KATNIP: variants seen among roughly 807,000 people sequenced by gnomAD.
KATNIP encodes katanin-interacting protein.
KATNIP carries 126 observed loss-of-function variants against 174.0 expected under a neutral mutation model. The ratio of observed to expected loss-of-function variants is 0.72; its 90% CI spans 0.63 to 0.84. The LOEUF (loss-of-function observed/expected upper bound fraction) is 0.84. KATNIP is among the 40% of genes least tolerant of loss of function. The probability of loss-of-function intolerance (pLI) is 0.00; values close to 1 mark genes in which losing one functional copy is unlikely to be tolerated. For missense variants in KATNIP, 1,958 were observed against 2,109.7 expected (o/e 0.93, Z 1.41); for synonymous variants, 810 against 835.7 (o/e 0.97, Z 0.53).
chr16:27,699,589 A>T lies in KATNIP; in HGVS notation c.1169A>T (p.Glu390Val). 6.2e-7 allele frequency: 1 copy of T among 1,614,192 alleles called. No homozygotes were observed. The highest frequency in any genetic ancestry group is 8.5e-7 in the Non-Finnish European group (1 of 1,180,032). ...ACCAGTCTGCTGGAGGAGAAGGAAG[A>T]GACCCTTGAGGTCAGTGCTAGGCAG... ...PWTSLLEEKEETLELLPITTA... is the reference protein window; with the variant it reads ...PWTSLLEEKEVTLELLPITTA... Residue 390 changes from glutamate to valine, a missense_variant, in exon 10 of 28, where the codon GAG (glutamate) becomes GTG (valine). Glu to Val is a moderately radical substitution (Grantham distance 121). Transcript: ENST00000261588.
At chr16:27,580,799 C>T (rs951297021) in intron 2 of KATNIP, among the ~76,000 whole-genome samples, 1 of 151,558 alleles carries the variant, frequency 6.6e-6, no homozygotes, top group South Asian at 2.1e-4. Flanking sequence ...CCTAGTACTC[C>T]ATTGTGAATT....
chr16:27,617,495 G>C (rs541109440), intron 2 of KATNIP, among the ~76,000 whole-genome samples: 147 of 152,308 alleles, frequency 9.7e-4, no homozygotes, highest in African/African-American at 3.3e-3. Flanking sequence ...GCAAGGCCAA[G>C]GTCATGTGAA....
intron 6 of KATNIP, among the ~76,000 whole-genome samples, chr16:27,656,788 G>A (rs1213470291): frequency 7.5e-6 from 1 of 133,810 alleles, no homozygotes; most frequent in Non-Finnish European, 1.6e-5. Flanking sequence ...GGGGACTGTG[G>A]TGGGGAGGGG....
chr16:27,693,877 A>T (rs956173974), intron 8 of KATNIP, among the ~76,000 whole-genome samples: 1 of 152,130 alleles, frequency 6.6e-6, no homozygotes, highest in Admixed American at 6.5e-5. Flanking sequence ...AATTCAGGGG[A>T]TTTCACATAT....
chr16:27,587,047 G>C (rs2090930902), intron 2 of KATNIP, among the ~76,000 whole-genome samples: 1 of 151,960 alleles, frequency 6.6e-6, no homozygotes, highest in African/African-American at 2.4e-5. Context: ...AGGCAAGGCA[G>C]GAGGCTGGGG....
intron 10 of KATNIP, 66 bp downstream of exon 10, chr16:27,699,665 C>G: frequency 6.2e-7 from 1 of 1,606,482 alleles, no homozygotes; most frequent in Non-Finnish European, 8.5e-7. Context: ...TGGTGCCAGG[C>G]AGAGATGAAT....
At chr16:27,565,391 C>T (rs1480320430) in intron 1 of KATNIP, among the ~76,000 whole-genome samples, 2 of 147,896 alleles carry the variant, frequency 1.4e-5, no homozygotes, top group East Asian at 2.0e-4. Flanking sequence ...ACTTGAACCT[C>T]GGAGGCAGAG....
intron 14 of KATNIP, among the ~76,000 whole-genome samples, chr16:27,726,932 G>C (rs1263836930): frequency 6.6e-6 from 1 of 152,244 alleles, no homozygotes; most frequent in African/African-American, 2.4e-5. Flanking sequence ...TGGGCCAGCA[G>C]GTTTGGATCT....
At chr16:27,706,160 C>T (rs929346106) in intron 12 of KATNIP, among the ~76,000 whole-genome samples, 1 of 152,142 alleles carries the variant, frequency 6.6e-6, no homozygotes, top group African/African-American at 2.4e-5. Context: ...AGTCCCACCC[C>T]CTGGAGCTCA....
rs1314868151 is a variant in KATNIP, at chr16:27,766,451, T to G, written c.3952T>G (p.Ser1318Ala). 17 of 1,613,234 alleles carry G rather than the reference T, an allele frequency of 1.1e-5. No homozygotes were observed. The highest frequency in any genetic ancestry group is 1.4e-5 in the Non-Finnish European group (17 of 1,179,958). The change falls in exon 20 of 28, where the codon TCT becomes GCT. Residue 1318 changes from serine (S) to alanine (A), a missense_variant. This residue lies in a region of KATNIP where 383 missense variants were observed against 456.0 expected (regional missense o/e 0.84). Transcript: ENST00000261588. ...AGLRFWNYNK[S>A]PEDTYRGAKI... ...CCTGCGCTTCTGGAACTACAATAAATCTCCCGAGGACACCTATCGCGGGGT... is the reference window on the plus strand; with the variant it reads ...CCTGCGCTTCTGGAACTACAATAAAGCTCCCGAGGACACCTATCGCGGGGT...
chr16:27,637,481 T>G lies in KATNIP; in HGVS notation c.408+6319T>G, dbSNP rs965708637. On this transcript the variant is annotated intron_variant, in intron 5 of 27. Transcript: ENST00000261588. This position sits in a 1 kb window ranked among gnomAD's most constrained non-coding sequence, Gnocchi z 4.7. ...GAAGGAAGGACAGAGGACAGCAGCC[T>G]GAAAGAGAAGCTGTCGGGGGAGCGC... Among the ~76,000 whole-genome samples, 2 of 152,064 alleles carry G rather than the reference T, an allele frequency of 1.3e-5. No homozygotes were observed. Among genetic ancestry groups the G allele is most frequent in the Non-Finnish European group, 2.9e-5 (2 of 68,014 alleles).
intron 14 of KATNIP, among the ~76,000 whole-genome samples, chr16:27,733,320 A>T (rs865844195): frequency 6.6e-6 from 1 of 152,102 alleles, no homozygotes; most frequent in Admixed American, 6.6e-5. Flanking sequence ...AATAATATTA[A>T]TATTGTATTA....
At chr16:27,741,997 A>C (rs2143593037) in intron 15 of KATNIP, among the ~76,000 whole-genome samples, 1 of 152,046 alleles carries the variant, frequency 6.6e-6, no homozygotes, top group East Asian at 1.9e-4. Flanking sequence ...GACTTTGGCA[A>C]CTGATTGAGA....
At chr16:27,725,739 T>C (rs2080423791) in intron 14 of KATNIP, among the ~76,000 whole-genome samples, 1 of 152,132 alleles carries the variant, frequency 6.6e-6, no homozygotes, top group Non-Finnish European at 1.5e-5. Context: ...ATAATAGTCA[T>C]GTTAGTTATG....
At chr16:27,614,574 A>G (rs1160235968) in intron 2 of KATNIP, among the ~76,000 whole-genome samples, 1 of 152,132 alleles carries the variant, frequency 6.6e-6, no homozygotes, top group Non-Finnish European at 1.5e-5. Context: ...CACCCAGAGC[A>G]CTGAGATTAC....
chr16:27,652,735 C>T (rs2077156556), intron 6 of KATNIP, among the ~76,000 whole-genome samples: 1 of 150,812 alleles, frequency 6.6e-6, no homozygotes, highest in Admixed American at 6.6e-5. Flanking sequence ...ATCACTTGAA[C>T]CTAGGAGGCA....
At position 27,740,771 on chromosome 16, in the gene KATNIP, G is replaced by A; in HGVS notation, c.2474G>A (p.Arg825Lys). Reference protein sequence around the residue: ...GTSRSVNTKERPQRATTKVHS... With the variant: ...GTSRSVNTKEKPQRATTKVHS... ...AGCCGGAGTGTCAACACCAAGGAGA[G>A]ACCCCAGAGGGCAACCACCAAAGTC... Residue 825 changes from arginine (R) to lysine (K), a missense_variant, in exon 15 of 28, where the codon AGA (arginine) becomes AAA (lysine). Transcript: ENST00000261588. 1 of 1,614,210 alleles carries A rather than the reference G, an allele frequency of 6.2e-7. No individual in the cohort carries two copies. Among genetic ancestry groups the A allele is most frequent in the Non-Finnish European group, 8.5e-7 (1 of 1,180,036 alleles).
intron 7 of KATNIP, among the ~76,000 whole-genome samples, chr16:27,680,147 C>T (rs985388086): frequency 6.6e-6 from 1 of 152,180 alleles, no homozygotes; most frequent in Non-Finnish European, 1.5e-5. Flanking sequence ...CCTGTGGGCA[C>T]AGGCTGGCTC....
intron 14 of KATNIP, among the ~76,000 whole-genome samples, 159 bp from the exon 15 acceptor site, chr16:27,739,882 A>T (rs2143525719): frequency 6.6e-6 from 1 of 152,308 alleles, no homozygotes; most frequent in East Asian, 1.9e-4. Context: ...CAGAAATGAG[A>T]CCAAGCCTAG....
Sources: allele counts gnomAD v4.1 joint callset (sites outside exome capture counted in the v4.1 genomes callset), GRCh38; gene constraint gnomAD v4.1.1; regional missense constraint gnomAD v4.1.1; non-coding constraint Gnocchi (gnomAD v3.1); transcripts MANE v1.5; gene names NCBI Gene and HGNC (gene_info 2026-07-23, HGNC 2026-07-21).